The following AKAP13 variants were observed in gnomAD, a reference collection of about 807,000 sequenced individuals.
AKAP13 encodes A-kinase anchor protein 13.
In AKAP13, 80 loss-of-function variants were observed where a neutral mutation model predicts 264.5. The observed-to-expected ratio is 0.30, with a 90% CI of 0.25 to 0.36. The LOEUF (loss-of-function observed/expected upper bound fraction) is 0.36, where lower values mean the gene tolerates loss of function less well. AKAP13 is among the 10% of genes least tolerant of loss of function. The probability of loss-of-function intolerance (pLI) is 1.00; values close to 1 mark genes in which losing one functional copy is unlikely to be tolerated. For synonymous variants in AKAP13, 1,380 were observed against 1,250.2 expected, an observed-to-expected ratio of 1.10 and a Z score of -2.19; for missense variants, 3,712 against 3,435.2, an observed-to-expected ratio of 1.08 and a Z score of -2.01.
intron 1 of AKAP13, among the ~76,000 whole-genome samples, chr15:85,399,529 A>T (rs1820505039): frequency 4.1e-5 from 5 of 123,144 alleles, no homozygotes; most frequent in Admixed American, 3.2e-4. Flanking sequence ...AAAATAAAAA[A>T]ATAAAAAAAT....
chr15:85,629,378 T>C (rs1211431459), intron 8 of AKAP13, among the ~76,000 whole-genome samples: 1 of 152,168 alleles, frequency 6.6e-6, no homozygotes, highest in Non-Finnish European at 1.5e-5. Flanking sequence ...CTCAGGTTTT[T>C]TATGGGTCTA....
intron 8 of AKAP13, among the ~76,000 whole-genome samples, chr15:85,595,533 G>A (rs2079781611): frequency 6.6e-6 from 1 of 152,208 alleles, no homozygotes; most frequent in African/African-American, 2.4e-5. Flanking sequence ...CATGTTATCA[G>A]ATACCATTAA....
intron 8 of AKAP13, among the ~76,000 whole-genome samples, chr15:85,630,986 G>A (rs55921264): frequency 0.061 from 9,309 of 151,644 alleles, 414 homozygotes; most frequent in Admixed American, 0.16. Flanking sequence ...AGCATCATTC[G>A]TCACAGTCAG....
chr15:85,577,657 A>G (rs1431655721), intron 6 of AKAP13: 1 of 366,610 alleles, frequency 2.7e-6, no homozygotes, highest in African/African-American at 2.2e-5. Flanking sequence ...TAAAGTTGCA[A>G]AATCCATTTT....
chr15:85,666,510 G>A (rs1596980300), intron 13 of AKAP13, among the ~76,000 whole-genome samples: 1 of 151,974 alleles, frequency 6.6e-6, no homozygotes, highest in Admixed American at 6.6e-5. Flanking sequence ...TCTTAAGAGA[G>A]CATCTATGCT....
intron 5 of AKAP13, among the ~76,000 whole-genome samples, chr15:85,544,766 T>C (rs565957773): frequency 6.6e-6 from 1 of 152,378 alleles, no homozygotes; most frequent in Non-Finnish European, 1.5e-5. Flanking sequence ...ATCATTATCT[T>C]TTCCACCACA....
intron 5 of AKAP13, among the ~76,000 whole-genome samples, chr15:85,563,420 C>T (rs1332743059): frequency 6.9e-6 from 1 of 145,866 alleles, no homozygotes; most frequent in Non-Finnish European, 1.5e-5. Context: ...CTTCAACGCT[C>T]ACTATTCTGT....
At chr15:85,730,064 T>C (rs1024853408) in intron 29 of AKAP13, among the ~76,000 whole-genome samples, 1 of 151,696 alleles carries the variant, frequency 6.6e-6, no homozygotes, top group Non-Finnish European at 1.5e-5. Context: ...TGAGAAAGAA[T>C]GGTAGGAAGA....
At chr15:85,558,048 G>C (rs973952801) in intron 5 of AKAP13, among the ~76,000 whole-genome samples, 2 of 152,040 alleles carry the variant, frequency 1.3e-5, no homozygotes, top group Admixed American at 6.5e-5. Flanking sequence ...TTTCTCCCCA[G>C]AATCTGTGCA....
chr15:85,613,056 T>C (rs1004691896), intron 8 of AKAP13, among the ~76,000 whole-genome samples: 5 of 152,204 alleles, frequency 3.3e-5, no homozygotes, highest in Non-Finnish European at 5.9e-5. Flanking sequence ...CTGTCTTATG[T>C]TCTTGTGGTC....
intron 19 of AKAP13, among the ~76,000 whole-genome samples, chr15:85,712,452 G>A (rs1251787591): frequency 6.6e-6 from 1 of 151,912 alleles, no homozygotes; most frequent in Non-Finnish European, 1.5e-5. Flanking sequence ...TGTTTCAGAA[G>A]TCTGTTTTCT....
chr15:85,466,514 T>G (rs2074747154), intron 1 of AKAP13, among the ~76,000 whole-genome samples: 1 of 152,254 alleles, frequency 6.6e-6, no homozygotes. Flanking sequence ...TTAATCCATC[T>G]TGAATTAATT....
chr15:85,538,490 C>CTTT (rs1056287024), intron 4 of AKAP13, among the ~76,000 whole-genome samples: 7 of 139,066 alleles, frequency 5.0e-5, no homozygotes, highest in South Asian at 2.3e-4. Context: ...GCTTTTCTTT[C>CTTT]TTTTTTTTTT....
At chr15:85,732,467 CATT>C (rs1006122513) in intron 30 of AKAP13, among the ~76,000 whole-genome samples, 55 of 144,560 alleles carry the variant, frequency 3.8e-4, no homozygotes, top group African/African-American at 1.1e-3. Flanking sequence ...CATAATATAA[CATT>C]ATATGTTTTA....
At chr15:85,624,262 CATTA>C (rs10571655) in intron 8 of AKAP13, among the ~76,000 whole-genome samples, 67,607 of 151,536 alleles carry the variant, frequency 0.45, 15,375 homozygotes, top group East Asian at 0.59. Flanking sequence ...TAATTCAGAA[CATTA>C]ATTAGCTGAA....
chr15:85,522,056 G>T (rs2076841634), intron 3 of AKAP13, among the ~76,000 whole-genome samples: 1 of 152,100 alleles, frequency 6.6e-6, no homozygotes, highest in Admixed American at 6.5e-5. Flanking sequence ...TGTTTCCTGT[G>T]ATGTATATCA....
chr15:85,624,893 C>T (rs2081344499), intron 8 of AKAP13, among the ~76,000 whole-genome samples: 1 of 152,212 alleles, frequency 6.6e-6, no homozygotes, highest in Non-Finnish European at 1.5e-5. Flanking sequence ...TCAGAAATTT[C>T]AGAGTAACCT....
rs368660302 is a variant in AKAP13, at chr15:85,387,746, T to C, written c.-12+6948T>C. On this transcript the variant is annotated intron_variant, in intron 1 of 36. Coordinates refer to ENST00000394518, the MANE Select transcript of AKAP13 (RefSeq NM_007200.5). Reference sequence around the variant, plus strand: ...AGACCTTAGATTTTTGATTAGTGTTTTGTAGTTTTTAGCAATTGGATCTTG... The same window carrying C: ...AGACCTTAGATTTTTGATTAGTGTTCTGTAGTTTTTAGCAATTGGATCTTG... Among the ~76,000 whole-genome samples the C allele has an allele frequency of 3.3e-5, 5 of 152,210 alleles. No individual in the cohort carries two copies. The East Asian group carries it at 5.8e-4, about 18-fold the overall frequency.
intron 12 of AKAP13, among the ~76,000 whole-genome samples, chr15:85,663,042 G>A (rs1359051912): frequency 6.6e-6 from 1 of 152,122 alleles, no homozygotes; most frequent in Non-Finnish European, 1.5e-5. Flanking sequence ...AGGCATGGTG[G>A]CTCACACCTG....
Sources: gnomAD v4.1 joint callset for allele counts (sites outside exome capture counted in the v4.1 genomes callset) on GRCh38, gnomAD v4.1.1 for gene constraint, MANE v1.5 for transcripts, NCBI Gene and HGNC (gene_info 2026-07-23, HGNC 2026-07-21) for gene names.